The following DAB1 variants were observed in gnomAD, a reference collection of about 807,000 sequenced individuals.
DAB1 encodes the protein DAB adaptor protein 1.
Under a neutral mutation model 64.6 loss-of-function variants are expected in DAB1, and 15 were observed. The ratio of observed to expected loss-of-function variants is 0.23; its 90% CI spans 0.16 to 0.36. The LOEUF is 0.36. DAB1 is among the 10% of genes least tolerant of loss of function. The pLI is 1.00. For missense variants in DAB1, 596 were observed against 706.7 expected (o/e 0.84, Z 1.78); for synonymous variants, 235 against 251.9 (o/e 0.93, Z 0.64).
intron 9 of DAB1, among the ~76,000 whole-genome samples, chr1:57,054,602 C>T (rs531164697): frequency 1.3e-4 from 20 of 151,668 alleles, no homozygotes; most frequent in Admixed American, 2.6e-4. Context: ...CTCAGCCTCC[C>T]GAGTAGCTGG....
intron 4 of DAB1, among the ~76,000 whole-genome samples, chr1:57,098,548 C>T (rs185516345): frequency 2.0e-3 from 299 of 152,194 alleles, no homozygotes; most frequent in African/African-American, 6.7e-3. Context: ...CTCTAACACT[C>T]TATGAAAGCA....
intron 8 of DAB1, 138 bp from the exon 9 acceptor site, chr1:57,063,081 C>A: frequency 1.4e-6 from 1 of 692,520 alleles, no homozygotes; most frequent in South Asian, 1.8e-5. Flanking sequence ...GGAACCTGCT[C>A]TAATTGTGAA....
intron 6 of DAB1, among the ~76,000 whole-genome samples, chr1:57,709,895 GC>G (rs1469034587): frequency 3.9e-5 from 6 of 152,110 alleles, no homozygotes. Flanking sequence ...CTTCCAGGTA[GC>G]CCCTTTTTAT....
chr1:58,252,135 A>G (rs1660816703), intron 4 of DAB1, among the ~76,000 whole-genome samples: 1 of 152,154 alleles, frequency 6.6e-6, no homozygotes, highest in Non-Finnish European at 1.5e-5. Flanking sequence ...GTGCTAAATG[A>G]CCATTAATTT....
intron 6 of DAB1, among the ~76,000 whole-genome samples, chr1:57,684,018 C>T (rs997530740): frequency 2.0e-5 from 3 of 152,026 alleles, no homozygotes; most frequent in Non-Finnish European, 2.9e-5. Context: ...AGGAAATAAT[C>T]TCAGAGCTTA....
chr1:57,405,276 A>C (rs1238499323), intron 1 of DAB1, among the ~76,000 whole-genome samples: 4 of 152,226 alleles, frequency 2.6e-5, no homozygotes, highest in Non-Finnish European at 5.9e-5. Flanking sequence ...GAAGAGTTTG[A>C]TAAAGAAAAA....
At chr1:57,919,814 C>T (rs1644782965) in intron 5 of DAB1, among the ~76,000 whole-genome samples, 1 of 152,132 alleles carries the variant, frequency 6.6e-6, no homozygotes, top group Non-Finnish European at 1.5e-5. Context: ...ATAATATAAC[C>T]TGTGAATCTC....
chr1:57,935,454 T>A (rs765199256), intron 5 of DAB1, among the ~76,000 whole-genome samples: 19 of 152,232 alleles, frequency 1.2e-4, no homozygotes, highest in Non-Finnish European at 2.9e-5. Context: ...ATGGTGTCTA[T>A]CTTCATTTCA....
intron 6 of DAB1, among the ~76,000 whole-genome samples, chr1:57,768,156 G>A (rs1649399103): frequency 8.9e-6 from 1 of 112,284 alleles, no homozygotes; most frequent in Non-Finnish European, 1.7e-5. Context: ...CAGCCTGGGA[G>A]ACAAAGCGAG....
intron 4 of DAB1, among the ~76,000 whole-genome samples, chr1:58,304,516 A>G (rs1168432463): frequency 3.3e-5 from 5 of 152,348 alleles, no homozygotes; most frequent in Admixed American, 3.3e-4. Context: ...AGATTACAAA[A>G]TTGGAAGGAG....
At chr1:57,575,213 TAA>T (rs1401200974) in intron 7 of DAB1, among the ~76,000 whole-genome samples, 1 of 152,124 alleles carries the variant, frequency 6.6e-6, no homozygotes, top group Non-Finnish European at 1.5e-5. Flanking sequence ...AAATATTCTA[TAA>T]AAAAGACTCA....
chr1:58,446,979 C>T (rs1387943639), intron 3 of DAB1, among the ~76,000 whole-genome samples: 4 of 152,158 alleles, frequency 2.6e-5, no homozygotes, highest in Non-Finnish European at 4.4e-5. Context: ...ATTCATGATC[C>T]TCATGGTCCC....
At chr1:58,297,070 C>G (rs1239589828) in intron 4 of DAB1, among the ~76,000 whole-genome samples, 1 of 152,166 alleles carries the variant, frequency 6.6e-6, no homozygotes, top group African/African-American at 2.4e-5. Context: ...TGTATGTCAT[C>G]TCATTGTTCT....
At chr1:57,580,544 G>A (rs538460638) in intron 7 of DAB1, among the ~76,000 whole-genome samples, 48 of 152,148 alleles carry the variant, frequency 3.2e-4, no homozygotes, top group African/African-American at 1.1e-3. Context: ...CCATCCTTGG[G>A]TTTGCCAGCA....
intron 3 of DAB1, among the ~76,000 whole-genome samples, chr1:58,430,038 G>A (rs1285865570): frequency 6.6e-6 from 1 of 152,138 alleles, no homozygotes; most frequent in Non-Finnish European, 1.5e-5. Context: ...TTATATAAGG[G>A]CACTAATCCC....
rs938942216 is a variant in DAB1, at chr1:58,151,474, G to A, written n.310-886C>T. On this transcript the variant is annotated intron_variant and non_coding_transcript_variant, in intron 4 of 20. Transcript: ENST00000485760. ...AGAGCATTTTTTCATGTGTCTGTTG[G>A]CTGCATAAATGTCTTCTTTTGAGAA... is the stretch of plus-strand genomic sequence containing the variant. Among the ~76,000 whole-genome samples the A allele has an allele frequency of 2.0e-5, 3 of 152,142 alleles. No individual in the cohort carries two copies. The South Asian group carries it at 6.2e-4, about 31-fold the overall frequency.
chr1:58,266,853 G>A (rs1453189915), intron 4 of DAB1, among the ~76,000 whole-genome samples: 2 of 152,224 alleles, frequency 1.3e-5, no homozygotes, highest in African/African-American at 4.8e-5. Context: ...CTAACAAGCT[G>A]TAGTCCGTAC....
At chr1:57,210,947 T>A (rs1043563448) in intron 2 of DAB1, among the ~76,000 whole-genome samples, 4 of 152,238 alleles carry the variant, frequency 2.6e-5, no homozygotes, top group Non-Finnish European at 5.9e-5. Context: ...CATATCAATT[T>A]CAAAATATTA....
intron 4 of DAB1, among the ~76,000 whole-genome samples, chr1:58,238,212 A>G (rs1293153707): frequency 6.6e-6 from 1 of 152,222 alleles, no homozygotes; most frequent in African/African-American, 2.4e-5. Flanking sequence ...CTATGTGCTA[A>G]GTTAAAAACA....
Sources: allele counts gnomAD v4.1 joint callset (sites outside exome capture counted in the v4.1 genomes callset), GRCh38; gene constraint gnomAD v4.1.1; transcripts MANE v1.5; gene names NCBI Gene and HGNC (gene_info 2026-07-23, HGNC 2026-07-21).